Variants in SPOCK1 observed in about 807,000 individuals in gnomAD.
The protein encoded by SPOCK1 is testican-1.
Under a neutral mutation model 55.3 loss-of-function variants are expected in SPOCK1, and 23 were observed. The ratio of observed to expected loss-of-function variants is 0.42; its 90% CI spans 0.30 to 0.59. The LOEUF (loss-of-function observed/expected upper bound fraction) is 0.59, where lower values mean the gene tolerates loss of function less well. Among genes scored for constraint, SPOCK1 ranks in the 20% least tolerant of loss-of-function variants. The pLI is 0.22. For missense variants in SPOCK1, 499 were observed against 552.5 expected (o/e 0.90, Z 0.97); for synonymous variants, 226 against 221.0 (o/e 1.02, Z -0.20).
At chr5:137,421,394 G>A (rs1219918031) in intron 2 of SPOCK1, among the ~76,000 whole-genome samples, 2 of 152,126 alleles carry the variant, frequency 1.3e-5, no homozygotes, top group African/African-American at 4.8e-5. Flanking sequence ...GTTGACAGTG[G>A]GGTGTTAAAG....
chr5:137,388,243 C>G (rs1751637767), intron 2 of SPOCK1, among the ~76,000 whole-genome samples: 1 of 152,158 alleles, frequency 6.6e-6, no homozygotes, highest in African/African-American at 2.4e-5. Flanking sequence ...AGTTTCATCT[C>G]CTGGGTAACA....
intron 3 of SPOCK1, among the ~76,000 whole-genome samples, chr5:137,256,644 G>T (rs942900015): frequency 5.3e-5 from 8 of 152,074 alleles, no homozygotes; most frequent in Admixed American, 1.3e-4. Context: ...ACATGCTTGT[G>T]GGGGGAACAC....
chr5:137,475,390 A>T (rs950948391), intron 2 of SPOCK1, among the ~76,000 whole-genome samples: 2 of 152,310 alleles, frequency 1.3e-5, no homozygotes, highest in Admixed American at 1.3e-4. Flanking sequence ...ATGGAAGAAA[A>T]AAACAGTTAC....
chr5:137,063,433 A>G (rs1752435373), intron 6 of SPOCK1, among the ~76,000 whole-genome samples: 1 of 151,680 alleles, frequency 6.6e-6, no homozygotes, highest in South Asian at 2.1e-4. Flanking sequence ...ATGAAACTTA[A>G]AGGTGAGACA....
intron 2 of SPOCK1, among the ~76,000 whole-genome samples, chr5:137,398,037 T>C (rs1047230609): frequency 6.6e-6 from 1 of 152,040 alleles, no homozygotes; most frequent in South Asian, 2.1e-4. Flanking sequence ...CTCGGTAGCC[T>C]GGAGAGACTA....
At chr5:137,423,612 G>A (rs2950956) in intron 2 of SPOCK1, among the ~76,000 whole-genome samples, 56,133 of 152,176 alleles carry the variant, frequency 0.37, 11,148 homozygotes, top group East Asian at 0.64. Flanking sequence ...CTGGGGTGCC[G>A]TTTGCTAAGA....
At chr5:137,238,639 G>A (rs768924637) in intron 3 of SPOCK1, among the ~76,000 whole-genome samples, 13 of 152,168 alleles carry the variant, frequency 8.5e-5, no homozygotes, top group Admixed American at 5.2e-4. Context: ...TAGAGCTCAC[G>A]TAAAATCATG....
At chr5:137,274,598 AG>A (rs1294468958) in intron 2 of SPOCK1, among the ~76,000 whole-genome samples, 2 of 152,264 alleles carry the variant, frequency 1.3e-5, no homozygotes, top group Non-Finnish European at 2.9e-5. Context: ...GGGATGTCCC[AG>A]GAACACTGAG....
rs185278975 is a variant in SPOCK1, at chr5:137,424,790, G to A, written c.186+73583C>T. On this transcript the variant is annotated intron_variant, in intron 2 of 10. Coordinates refer to ENST00000394945, the MANE Select transcript of SPOCK1 (RefSeq NM_004598.4). ...CCACTTATACATAAAATTTATCTACGGTGACAGAAAGTAGATGAGAGGTCT... is the reference window on the plus strand; with the variant it reads ...CCACTTATACATAAAATTTATCTACAGTGACAGAAAGTAGATGAGAGGTCT... Among the ~76,000 whole-genome samples, 11 of 152,264 alleles carry A rather than the reference G, an allele frequency of 7.2e-5. No individual in the cohort carries two copies. In the South Asian group the frequency reaches 1.7e-3, roughly 23 times the overall value.
At position 137,010,140 on chromosome 5, in the gene SPOCK1, T is replaced by G. The variant is rs368557199; in HGVS notation, c.590-17540A>C. On this transcript the variant is annotated intron_variant, in intron 6 of 10. Transcript: ENST00000394945. ...TCACAACCTGCTGTCTCTTTTGGAC[T>G]CTGAGGTCAGATGCAGTAAGAATTC... Among the ~76,000 whole-genome samples, 1,121 of 152,258 alleles carry G rather than the reference T, an allele frequency of 7.4e-3. 8 individuals carry two copies. Among genetic ancestry groups the G allele is most frequent in the Non-Finnish European group, 0.013 (876 of 68,014 alleles).
chr5:137,039,270 C>CTTTTT (rs11479277), intron 6 of SPOCK1, among the ~76,000 whole-genome samples: 1,438 of 88,794 alleles, frequency 0.016, 210 homozygotes, highest in African/African-American at 0.02. Context: ...GCCTGCCACA[C>CTTTTT]TTTTTTTTTT....
intron 8 of SPOCK1, among the ~76,000 whole-genome samples, chr5:136,986,618 TAGAAACAAAGCAAGATTTTAGTAA>T (rs1750847630): frequency 6.6e-6 from 1 of 152,042 alleles, no homozygotes; most frequent in Non-Finnish European, 1.5e-5. Context: ...CAGAATAACT[TAGAAACAAAGCAAGATTTTAGTAA>T]GGTGGTTGAG....
chr5:137,062,321 C>T (rs73294104), intron 6 of SPOCK1, among the ~76,000 whole-genome samples: 25,213 of 151,704 alleles, frequency 0.17, 2,994 homozygotes, highest in East Asian at 0.36. Context: ...AGCTCCAAAT[C>T]CCTTCTCAGA....
intron 5 of SPOCK1, among the ~76,000 whole-genome samples, chr5:137,101,367 C>T (rs533399524): frequency 2.0e-5 from 3 of 152,278 alleles, no homozygotes; most frequent in Non-Finnish European, 4.4e-5. Flanking sequence ...CAAGCATCTT[C>T]GTGTTCAGGT....
Position 137,030,058 on chromosome 5 carries a change from C to T in SPOCK1, c.590-37458G>A, listed in dbSNP as rs115257991. 7.8e-3 allele frequency among the ~76,000 whole-genome samples: 1,195 copies of T among 152,296 alleles called. 15 individuals are homozygous for T. Among genetic ancestry groups the T allele is most frequent in the African/African-American group, 0.026 (1,100 of 41,568 alleles). ...AAATGTCCCCTCTTGGACTACTGTT[C>T]AAAAGGATTTCCTTTCATGAGTTCA... On this transcript the variant is annotated intron_variant, in intron 6 of 10. Coordinates refer to ENST00000394945, the MANE Select transcript of SPOCK1 (RefSeq NM_004598.4).
intron 6 of SPOCK1, among the ~76,000 whole-genome samples, chr5:137,027,917 TGGGCAGCA>T (rs1266819373): frequency 6.6e-6 from 1 of 152,164 alleles, no homozygotes; most frequent in Non-Finnish European, 1.5e-5. Context: ...AACCATAAGG[TGGGCAGCA>T]GGGAGAGTGA....
At chr5:137,493,374 T>A (rs1440600879) in intron 2 of SPOCK1, among the ~76,000 whole-genome samples, 1 of 152,204 alleles carries the variant, frequency 6.6e-6, no homozygotes, top group Non-Finnish European at 1.5e-5. Flanking sequence ...TGGAGCCACT[T>A]CTTGGTTTTG....
chr5:137,300,749 T>C lies in SPOCK1; in HGVS notation c.187-33694A>G, dbSNP rs143061949. 9.5e-4 allele frequency among the ~76,000 whole-genome samples: 145 copies of C among 152,274 alleles called. 2 individuals carry two copies. The highest frequency in any genetic ancestry group is 3.5e-3 in the African/African-American group (144 of 41,564). On this transcript the variant is annotated intron_variant, in intron 2 of 10. Transcript: ENST00000394945. ...CTTTCTGAAATGTCTTCCCTCCCTT[T>C]CCAGTTGTTCTAGCAGTTCTTAACT...
Position 137,375,040 on chromosome 5 carries a change from C to T in SPOCK1, c.187-107985G>A, listed in dbSNP as rs564101710. On this transcript the variant is annotated intron_variant, in intron 2 of 10. Coordinates refer to ENST00000394945, the MANE Select transcript of SPOCK1 (RefSeq NM_004598.4). ...ATTTTATCTGTTTCCTATGAATGGACTCTATATGAAATTTCCTTTGGAAAA... is the reference window on the plus strand; with the variant it reads ...ATTTTATCTGTTTCCTATGAATGGATTCTATATGAAATTTCCTTTGGAAAA... Among the ~76,000 whole-genome samples the T allele has an allele frequency of 4.6e-5, 7 of 152,198 alleles. No individual in the cohort carries two copies. The South Asian group carries it at 1.0e-3, about 23-fold the overall frequency.
Sources: allele counts gnomAD v4.1 joint callset (sites outside exome capture counted in the v4.1 genomes callset), GRCh38; gene constraint gnomAD v4.1.1; transcripts MANE v1.5; gene names NCBI Gene and HGNC (gene_info 2026-07-23, HGNC 2026-07-21).